The following TMEM117 variants were observed in gnomAD, a reference collection of about 807,000 sequenced individuals.
TMEM117 encodes the protein transmembrane protein 117.
TMEM117 carries 27 observed loss-of-function variants against 52.4 expected under a neutral mutation model. The ratio of observed to expected loss-of-function variants is 0.51; its 90% CI spans 0.38 to 0.71. The LOEUF is 0.71. Among genes scored for constraint, TMEM117 ranks in the 30% least tolerant of loss-of-function variants. The probability of loss-of-function intolerance (pLI) is 0.00; values close to 1 mark genes in which losing one functional copy is unlikely to be tolerated. For synonymous variants in TMEM117, 215 were observed against 206.3 expected, an observed-to-expected ratio of 1.04 and a Z score of -0.36; for missense variants, 556 against 630.5, an observed-to-expected ratio of 0.88 and a Z score of 1.26.
chr12:44,071,379 C>A (rs1947299556), intron 3 of TMEM117, among the ~76,000 whole-genome samples: 1 of 152,076 alleles, frequency 6.6e-6, no homozygotes, highest in Non-Finnish European at 1.5e-5. Flanking sequence ...TGACCTAAGG[C>A]TCCAAAATGG....
the TMEM117 span, among the ~76,000 whole-genome samples, chr12:43,810,130 A>G: frequency 6.6e-6 from 1 of 152,230 alleles, no homozygotes. Context: ...TTGGAATCAA[A>G]GTGCAGGAAA....
chr12:44,011,632 A>G (rs537186131), intron 3 of TMEM117, among the ~76,000 whole-genome samples: 261 of 150,816 alleles, frequency 1.7e-3, no homozygotes, highest in South Asian at 4.8e-3. Context: ...CAGCATGAAA[A>G]TAGAGTAATA....
chr12:44,158,729 CATT>C (rs1169645314), intron 4 of TMEM117, among the ~76,000 whole-genome samples: 1 of 151,908 alleles, frequency 6.6e-6, no homozygotes, highest in African/African-American at 2.4e-5. Flanking sequence ...ACTCTAGAAA[CATT>C]ATTGCAAAAA....
chr12:44,136,442 T>C (rs1245412502), intron 3 of TMEM117, among the ~76,000 whole-genome samples: 1 of 152,152 alleles, frequency 6.6e-6, no homozygotes, highest in Non-Finnish European at 1.5e-5. Flanking sequence ...TCTGGGACTT[T>C]AGAATTAGTT....
chr12:43,992,919 A>G (rs921501254), intron 3 of TMEM117, among the ~76,000 whole-genome samples: 2 of 152,202 alleles, frequency 1.3e-5, no homozygotes, highest in African/African-American at 2.4e-5. Flanking sequence ...CATCTTGTTC[A>G]CTGGTATTTC....
chr12:44,002,115 A>C lies in TMEM117; in HGVS notation c.410+57773A>C, dbSNP rs141170945. 2.4e-3 allele frequency among the ~76,000 whole-genome samples: 361 copies of C among 152,318 alleles called. 3 individuals carry two copies. Among genetic ancestry groups the C allele is most frequent in the African/African-American group, 8.3e-3 (343 of 41,572 alleles). ...GGTTTGGAACCCTCCAAGAGGAACAACAACAAAAAGCCCAGACCATCCTAA... is the reference window on the plus strand; with the variant it reads ...GGTTTGGAACCCTCCAAGAGGAACACCAACAAAAAGCCCAGACCATCCTAA... On this transcript the variant is annotated intron_variant, in intron 3 of 7. Transcript: ENST00000266534.
intron 5 of TMEM117, among the ~76,000 whole-genome samples, chr12:44,251,084 C>A (rs1356511691): frequency 2.0e-5 from 3 of 152,108 alleles, no homozygotes; most frequent in African/African-American, 7.2e-5. Flanking sequence ...CTCAGCATTA[C>A]ATATTGTCTT....
intron 1 of TMEM117, among the ~76,000 whole-genome samples, chr12:43,839,849 T>C (rs1943089806): frequency 6.6e-6 from 1 of 152,378 alleles, no homozygotes; most frequent in Non-Finnish European, 1.5e-5. Flanking sequence ...ATCACTTTTA[T>C]ATGATGATCA....
chr12:44,259,833 G>A (rs912884797), intron 5 of TMEM117, among the ~76,000 whole-genome samples: 1 of 152,154 alleles, frequency 6.6e-6, no homozygotes, highest in Non-Finnish European at 1.5e-5. Flanking sequence ...AAAATTATTT[G>A]TAACCTGGCC....
At chr12:43,886,192 C>T (rs1319944154) in intron 2 of TMEM117, among the ~76,000 whole-genome samples, 2 of 152,038 alleles carry the variant, frequency 1.3e-5, no homozygotes, top group South Asian at 2.1e-4. Context: ...TACAAGAAAA[C>T]ATCTAAGGAG....
intron 2 of TMEM117, among the ~76,000 whole-genome samples, chr12:43,935,092 C>T (rs886995734): frequency 2.0e-5 from 3 of 152,162 alleles, no homozygotes; most frequent in Non-Finnish European, 2.9e-5. Flanking sequence ...ACTGCAGCCT[C>T]AACCTCCTTG....
intron 4 of TMEM117, among the ~76,000 whole-genome samples, chr12:44,174,321 A>G (rs951555910): frequency 3.3e-5 from 5 of 152,190 alleles, no homozygotes; most frequent in Non-Finnish European, 7.4e-5. Flanking sequence ...TATTGTGCAT[A>G]GTTCATTTTG....
At chr12:43,906,779 T>C (rs995747201) in intron 2 of TMEM117, among the ~76,000 whole-genome samples, 2 of 152,234 alleles carry the variant, frequency 1.3e-5, no homozygotes, top group African/African-American at 4.8e-5. Flanking sequence ...AATACTGCAC[T>C]TTTCCGACAG....
chr12:43,978,566 G>A (rs71455469), intron 3 of TMEM117, among the ~76,000 whole-genome samples: 30 of 152,210 alleles, frequency 2.0e-4, no homozygotes, highest in Non-Finnish European at 3.8e-4. Flanking sequence ...TAGGTATGGG[G>A]GAGTGAACTA....
chr12:44,065,311 C>T (rs1246998850), intron 3 of TMEM117, among the ~76,000 whole-genome samples: 1 of 151,944 alleles, frequency 6.6e-6, no homozygotes, highest in Non-Finnish European at 1.5e-5. Context: ...TTGCTTGAAC[C>T]CAAGAGGCGG....
At position 44,064,013 on chromosome 12, in the gene TMEM117, G is replaced by A. The variant is rs1947183114; in HGVS notation, c.411-79512G>A. Among the ~76,000 whole-genome samples the A allele has an allele frequency of 2.0e-5, 3 of 152,084 alleles. No individual in the cohort carries two copies. In the South Asian group the frequency reaches 6.2e-4, roughly 32 times the overall value. ...AGGGAGATTCTAAACATGTTTTTAT[G>A]CTAGGTGAATTTATGGGCCTCCTGG... On this transcript the variant is annotated intron_variant, in intron 3 of 7. Coordinates refer to ENST00000266534, the MANE Select transcript of TMEM117 (RefSeq NM_032256.3).
chr12:43,887,602 C>T (rs981575627), intron 2 of TMEM117, among the ~76,000 whole-genome samples: 1 of 152,162 alleles, frequency 6.6e-6, no homozygotes, highest in Admixed American at 6.5e-5. Flanking sequence ...GACAGGTGCC[C>T]CTGCTGCAGA....
At chr12:44,354,755 G>T (rs937380529) in intron 6 of TMEM117, among the ~76,000 whole-genome samples, 5 of 151,534 alleles carry the variant, frequency 3.3e-5, no homozygotes, top group African/African-American at 4.9e-5. Flanking sequence ...TTGAAAACTG[G>T]CACAAGACAG....
At position 43,950,083 on chromosome 12, in the gene TMEM117, T is replaced by C. The variant is rs574874548; in HGVS notation, c.410+5741T>C. ...TTTTCTTTTAGTGAAAAAAATCATATTGATGCATTTTCCAATCAAAGGAAC... is the reference window on the plus strand; with the variant it reads ...TTTTCTTTTAGTGAAAAAAATCATACTGATGCATTTTCCAATCAAAGGAAC... On this transcript the variant is annotated intron_variant, in intron 3 of 7. Transcript: ENST00000266534. Among the ~76,000 whole-genome samples, 156 of 152,318 alleles carry C rather than the reference T, an allele frequency of 1.0e-3. 1 individual carries two copies. The highest frequency in any genetic ancestry group is 3.3e-3 in the African/African-American group (136 of 41,562).
Sources: gnomAD v4.1 joint callset for allele counts (sites outside exome capture counted in the v4.1 genomes callset) on GRCh38, gnomAD v4.1.1 for gene constraint, MANE v1.5 for transcripts, NCBI Gene and HGNC (gene_info 2026-07-23, HGNC 2026-07-21) for gene names.